Variants in SPRED2 observed in about 807,000 individuals in gnomAD.
The protein encoded by SPRED2 is sprouty related EVH1 domain containing 2.
A neutral mutation model predicts 43.0 loss-of-function variants in SPRED2; 47 were observed. The ratio of observed to expected loss-of-function variants is 1.09; its 90% CI spans 0.87 to 1.40. The LOEUF (loss-of-function observed/expected upper bound fraction) is 1.40. SPRED2 is among the 40% of genes most tolerant of loss of function. SPRED2 has a pLI of 0.00. For missense variants in SPRED2, 561 were observed against 586.4 expected (o/e 0.96, Z 0.45); for synonymous variants, 225 against 225.7 (o/e 1.00, Z 0.03).
At chr2:65,418,195 A>C (rs1676333231) in intron 1 of SPRED2, among the ~76,000 whole-genome samples, 1 of 152,186 alleles carries the variant, frequency 6.6e-6, no homozygotes, top group African/African-American at 2.4e-5. Context: ...ATATCACTTC[A>C]TCGTCTCTTT....
chr2:65,320,817 C>T (rs1673387734), intron 4 of SPRED2, among the ~76,000 whole-genome samples: 2 of 152,196 alleles, frequency 1.3e-5, no homozygotes, highest in African/African-American at 4.8e-5. Context: ...GAAAAAAAAT[C>T]TCCTTTTACC....
chr2:65,413,719 A>G (rs1385478814), intron 1 of SPRED2, among the ~76,000 whole-genome samples: 1 of 152,206 alleles, frequency 6.6e-6, no homozygotes, highest in African/African-American at 2.4e-5. Flanking sequence ...CTTGATTGGC[A>G]TATTTTCTGA....
chr2:65,347,671 C>G (rs191084984), intron 1 of SPRED2, among the ~76,000 whole-genome samples: 2 of 152,210 alleles, frequency 1.3e-5, no homozygotes, highest in East Asian at 3.9e-4. Context: ...TTCTACATAC[C>G]AACAGTGCCC....
intron 1 of SPRED2, among the ~76,000 whole-genome samples, chr2:65,389,241 ACC>A (rs1675576842): frequency 1.8e-5 from 2 of 112,348 alleles, no homozygotes; most frequent in African/African-American, 7.1e-5. Flanking sequence ...GACATGCTCA[ACC>A]TTTTTTTTTT....
chr2:65,356,762 T>A (rs917201710), intron 1 of SPRED2, among the ~76,000 whole-genome samples: 2 of 151,984 alleles, frequency 1.3e-5, no homozygotes, highest in African/African-American at 4.8e-5. Context: ...GAGGTTGAAG[T>A]GGGCAGATCA....
intron 1 of SPRED2, among the ~76,000 whole-genome samples, chr2:65,391,421 C>T (rs1675633535): frequency 6.6e-6 from 1 of 152,176 alleles, no homozygotes; most frequent in South Asian, 2.1e-4. Context: ...AATTCTTTTG[C>T]TATGCACGTT....
Position 65,312,059 on chromosome 2 carries a change from A to T in SPRED2, c.*1442T>A. 2.0e-6 allele frequency: 2 copies of T among 985,424 alleles called. No homozygotes were observed. The highest frequency in any genetic ancestry group is 2.4e-6 in the Non-Finnish European group (2 of 829,924). The allele number at this position is 985,424 out of a possible 1,614,324, so 61.0% of individuals were successfully genotyped here. ...CACGAGGTTCTGATTGTACTATGCT[A>T]GGTATAGGTAACCACTCTTCACTTT... On this transcript the variant is annotated 3_prime_UTR_variant, in exon 6 of 6. Transcript: ENST00000356388.
At chr2:65,391,047 C>T (rs887287376) in intron 1 of SPRED2, among the ~76,000 whole-genome samples, 5 of 148,360 alleles carry the variant, frequency 3.4e-5, no homozygotes, top group Middle Eastern at 3.4e-3. Flanking sequence ...AGGTTCATGC[C>T]ACTGCACTCC....
At chr2:65,430,540 A>G (rs1392207671) in intron 1 of SPRED2, among the ~76,000 whole-genome samples, 1 of 152,228 alleles carries the variant, frequency 6.6e-6, no homozygotes, top group Admixed American at 6.5e-5. Context: ...ACCTGCTGCA[A>G]GAGACAAGCC....
intron 1 of SPRED2, among the ~76,000 whole-genome samples, chr2:65,353,631 C>A (rs531519876): frequency 3.3e-5 from 5 of 151,998 alleles, no homozygotes; most frequent in African/African-American, 4.8e-5. Flanking sequence ...AATTTTGGTT[C>A]GAAATATATG....
chr2:65,432,097 G>C lies in SPRED2; in HGVS notation c.-110C>G, dbSNP rs972944215. 5.6e-6 allele frequency: 8 copies of C among 1,423,282 alleles called. No individual in the cohort carries two copies. The African/African-American group carries it at 5.6e-5, about 10-fold the overall frequency. 88.2% of individuals were successfully genotyped at this position (1,423,282 alleles called of 1,614,324 possible). On this transcript the variant is annotated 5_prime_UTR_variant, in exon 1 of 6. Coordinates refer to ENST00000356388, the MANE Select transcript of SPRED2 (RefSeq NM_181784.3). ...CTCCGGAGATCGCCTGATTTGGGGAGGGGGGGCGGCTAGAGATGAAGAGGG... is the reference window on the plus strand; with the variant it reads ...CTCCGGAGATCGCCTGATTTGGGGACGGGGGGCGGCTAGAGATGAAGAGGG...
chr2:65,313,967 T>C lies in SPRED2; in HGVS notation c.791A>G (p.Tyr264Cys), dbSNP rs142711233. 14 of 1,612,630 alleles carry C rather than the reference T, an allele frequency of 8.7e-6. No homozygotes were observed. The highest frequency in any genetic ancestry group is 2.2e-5 in the East Asian group (1 of 44,888). The change falls in exon 6 of 6, where the codon TAC becomes TGC. Residue 264 changes from tyrosine to cysteine, a missense_variant. By Grantham distance (194) the Tyr-to-Cys change is radical (BLOSUM62 -2). Around this residue, in one of 6 missense-constraint regions of SPRED2, gnomAD observed 164 missense variants for 164.1 expected, o/e 1.00. Coordinates refer to ENST00000356388, the MANE Select transcript of SPRED2 (RefSeq NM_181784.3). The stretch of plus-strand genomic sequence containing the variant: ...TGAGGAGTCCACGTAGGGGTAGTTG[T>C]AGTCATGCTTGGGGACCTCGCCCTT... ...FAKGEVPKHD[Y>C]NYPYVDSSDF...
intron 2 of SPRED2, among the ~76,000 whole-genome samples, chr2:65,341,776 T>C (rs911572736): frequency 2.0e-5 from 3 of 152,144 alleles, no homozygotes; most frequent in African/African-American, 7.2e-5. Flanking sequence ...CACTTTAGGT[T>C]GAAGTATTCT....
chr2:65,428,967 T>C (rs185531579), intron 1 of SPRED2, among the ~76,000 whole-genome samples: 18 of 152,304 alleles, frequency 1.2e-4, no homozygotes, highest in African/African-American at 9.6e-5. Flanking sequence ...GTCTGTATAA[T>C]TGTAAATTTT....
At chr2:65,409,506 C>CTAG (rs1248141422) in intron 1 of SPRED2, among the ~76,000 whole-genome samples, 5 of 152,096 alleles carry the variant, frequency 3.3e-5, no homozygotes, top group African/African-American at 1.2e-4. Context: ...TTGGACAGCA[C>CTAG]TAGTCTAAAT....
chr2:65,428,397 G>A (rs1158710350), intron 1 of SPRED2, among the ~76,000 whole-genome samples: 5 of 152,212 alleles, frequency 3.3e-5, no homozygotes, highest in African/African-American at 9.7e-5. Context: ...CGGGGTCTTC[G>A]ATTGGTCTCT....
intron 1 of SPRED2, among the ~76,000 whole-genome samples, chr2:65,367,716 C>G (rs565363919): frequency 6.6e-6 from 1 of 152,276 alleles, no homozygotes; most frequent in African/African-American, 2.4e-5. Flanking sequence ...CTTATGCATT[C>G]TCTGAGGACA....
intron 1 of SPRED2, among the ~76,000 whole-genome samples, chr2:65,406,473 T>C (rs1198625671): frequency 2.0e-5 from 3 of 152,196 alleles, no homozygotes; most frequent in Admixed American, 6.5e-5. Flanking sequence ...CACACAAGTT[T>C]GTTTGTAAGA....
intron 4 of SPRED2, 135 bp downstream of exon 4, chr2:65,331,852 A>G: frequency 4.8e-6 from 3 of 631,060 alleles, no homozygotes; most frequent in East Asian, 2.8e-5. Context: ...TTGTAGTAAG[A>G]CAGAGATCGC....
Sources: gnomAD v4.1 joint callset for allele counts (sites outside exome capture counted in the v4.1 genomes callset) on GRCh38, gnomAD v4.1.1 for gene constraint, gnomAD v4.1.1 regional missense constraint, MANE v1.5 for transcripts, NCBI Gene and HGNC (gene_info 2026-07-23, HGNC 2026-07-21) for gene names.